The following ERCC6L2 variants were observed in gnomAD, a reference collection of about 807,000 sequenced individuals.
The protein encoded by ERCC6L2 is ERCC excision repair 6 like 2.
In ERCC6L2, 77 loss-of-function variants were observed where a neutral mutation model predicts 132.0. That is an observed-to-expected ratio of 0.58 (90% CI 0.49 to 0.71). ERCC6L2 has a LOEUF of 0.71. Ranked by LOEUF, ERCC6L2 falls within the 30% of genes least tolerant of loss-of-function variation. ERCC6L2 has a pLI of 0.00. For missense variants in ERCC6L2, 1,542 were observed against 1,837.6 expected (o/e 0.84, Z 2.94); for synonymous variants, 583 against 632.4 (o/e 0.92, Z 1.17).
At chr9:95,877,815 GAAAA>G (rs541639458) in intron 1 of ERCC6L2, among the ~76,000 whole-genome samples, 5 of 140,956 alleles carry the variant, frequency 3.5e-5, no homozygotes, top group Admixed American at 7.0e-5. Flanking sequence ...AAAAAAAAAA[GAAAA>G]AAAAAAGAAT....
chr9:95,905,732 C>G (rs1829000503), intron 3 of ERCC6L2, among the ~76,000 whole-genome samples: 1 of 152,176 alleles, frequency 6.6e-6, no homozygotes, highest in South Asian at 2.1e-4. Context: ...TGTTGATTTT[C>G]TTTCGTTTTC....
At chr9:95,984,468 A>G (rs1479987008) in intron 17 of ERCC6L2, among the ~76,000 whole-genome samples, 2 of 151,748 alleles carry the variant, frequency 1.3e-5, no homozygotes, top group Non-Finnish European at 2.9e-5. Flanking sequence ...TCTCCCATTC[A>G]AGATCTACCT....
At chr9:96,026,028 G>C (rs920742831) in intron 19 of ERCC6L2, 12 of 152,486 alleles carry the variant, frequency 7.9e-5, no homozygotes, top group African/African-American at 1.7e-4. Flanking sequence ...AGGGTTCTGA[G>C]AACCGAGGTC....
At position 95,921,155 on chromosome 9, in the gene ERCC6L2, C is replaced by T; in HGVS notation, c.1159-20C>T. 1 of 1,585,808 alleles carries T rather than the reference C, an allele frequency of 6.3e-7. No individual in the cohort carries two copies. The stretch of plus-strand genomic sequence containing the variant: ...TTATAAACAAAATACTAATAACTAC[C>T]TTGTATTTTATCTTGGCAGATGGTG... On this transcript the variant is annotated intron_variant, in intron 6 of 18. Coordinates refer to ENST00000653738, the MANE Select transcript of ERCC6L2 (RefSeq NM_020207.7).
chr9:95,920,033 T>C (rs1427367412), intron 6 of ERCC6L2, among the ~76,000 whole-genome samples: 5 of 152,232 alleles, frequency 3.3e-5, no homozygotes, highest in Non-Finnish European at 5.9e-5. Flanking sequence ...TTGACTTCTT[T>C]TATGACATGG....
intron 3 of ERCC6L2, among the ~76,000 whole-genome samples, chr9:95,905,742 C>T (rs1426589295): frequency 6.6e-6 from 1 of 152,136 alleles, no homozygotes; most frequent in African/African-American, 2.4e-5. Context: ...CTTTCGTTTT[C>T]TTCTTTCTCT....
At chr9:95,900,204 A>G (rs896622688) in intron 3 of ERCC6L2, among the ~76,000 whole-genome samples, 1 of 151,944 alleles carries the variant, frequency 6.6e-6, no homozygotes, top group Non-Finnish European at 1.5e-5. Flanking sequence ...CCATAAGAAT[A>G]CCCTGTCTTT....
chr9:96,000,614 A>T (rs145586116), intron 17 of ERCC6L2, among the ~76,000 whole-genome samples: 1 of 152,192 alleles, frequency 6.6e-6, no homozygotes, highest in Non-Finnish European at 1.5e-5. Context: ...CATTGAATGT[A>T]TCACCGCTTC....
intron 7 of ERCC6L2, 56 bp from the exon 8 acceptor site, chr9:95,922,248 TA>T: frequency 1.3e-6 from 1 of 792,196 alleles, no homozygotes. Flanking sequence ...TTTTATGATG[TA>T]AGCAGGTGCA....
intron 18 of ERCC6L2, among the ~76,000 whole-genome samples, chr9:96,005,471 C>T (rs942636076): frequency 2.0e-5 from 3 of 151,894 alleles, no homozygotes; most frequent in Admixed American, 1.3e-4. Context: ...CATGGAACCA[C>T]CTTTCTTTTG....
At chr9:96,002,684 T>G (rs1833730482) in intron 17 of ERCC6L2, among the ~76,000 whole-genome samples, 1 of 152,208 alleles carries the variant, frequency 6.6e-6, no homozygotes, top group Non-Finnish European at 1.5e-5. Context: ...TCTGCCTACC[T>G]CAGCCTCCCA....
chr9:96,008,361 T>C (rs1027407983), intron 18 of ERCC6L2, among the ~76,000 whole-genome samples: 1 of 152,310 alleles, frequency 6.6e-6, no homozygotes, highest in Non-Finnish European at 1.5e-5. Flanking sequence ...TTCAACCTCA[T>C]GATCAGTAAG....
At chr9:96,009,209 C>T (rs969342450) in intron 18 of ERCC6L2, among the ~76,000 whole-genome samples, 4 of 152,196 alleles carry the variant, frequency 2.6e-5, no homozygotes, top group South Asian at 2.1e-4. Context: ...GTGGGCAGAG[C>T]GATGACAGAC....
chr9:95,950,894 C>T (rs572569891), intron 12 of ERCC6L2, among the ~76,000 whole-genome samples: 1 of 152,140 alleles, frequency 6.6e-6, no homozygotes, highest in East Asian at 1.9e-4. Context: ...ACTTCAACAC[C>T]TGACTTTCAT....
Position 96,018,085 on chromosome 9 carries a change from G to A in ERCC6L2, c.*4882G>A, listed in dbSNP as rs1834219276. ...AATGGTGGTTGCTAGACGCTGGAGG[G>A]AGGGGAGAAAGGGGAGTTATTAATG... On this transcript the variant is annotated 3_prime_UTR_variant, in exon 19 of 19. Transcript: ENST00000653738. 6.6e-6 allele frequency among the ~76,000 whole-genome samples: 1 copy of A among 152,206 alleles called. No individual in the cohort carries two copies. Among genetic ancestry groups the A allele is most frequent in the Non-Finnish European group, 1.5e-5 (1 of 68,034 alleles).
intron 18 of ERCC6L2, among the ~76,000 whole-genome samples, chr9:96,010,859 A>G (rs151160743): frequency 8.6e-4 from 131 of 152,352 alleles, no homozygotes; most frequent in African/African-American, 3.1e-3. Context: ...AGTTCCTGCT[A>G]TAGTGCTTAG....
intron 9 of ERCC6L2, among the ~76,000 whole-genome samples, chr9:95,925,576 T>G (rs149084648): frequency 3.3e-5 from 5 of 152,352 alleles, no homozygotes; most frequent in African/African-American, 1.2e-4. Flanking sequence ...TTTGGAAATT[T>G]CTGGGATCTT....
intron 18 of ERCC6L2, 26 bp downstream of exon 18, chr9:96,004,727 C>T (rs1480973712): frequency 1.6e-6 from 2 of 1,270,298 alleles, no homozygotes; most frequent in Non-Finnish European, 2.1e-6. Context: ...CAATACTATA[C>T]TTGAAGAATA....
At chr9:95,936,316 C>G (rs938669185) in intron 11 of ERCC6L2, among the ~76,000 whole-genome samples, 7 of 152,102 alleles carry the variant, frequency 4.6e-5, no homozygotes, top group African/African-American at 1.7e-4. Context: ...AGATGTAGCT[C>G]ATTATAAAAT....
Sources: gnomAD v4.1 joint callset for allele counts (sites outside exome capture counted in the v4.1 genomes callset) on GRCh38, gnomAD v4.1.1 for gene constraint, MANE v1.5 for transcripts, NCBI Gene and HGNC (gene_info 2026-07-23, HGNC 2026-07-21) for gene names.